The following RGL3 variants were observed in gnomAD, a reference collection of about 807,000 sequenced individuals.
RGL3 encodes ral guanine nucleotide dissociation stimulator-like 3.
Under a neutral mutation model 90.6 loss-of-function variants are expected in RGL3, and 85 were observed. The observed-to-expected ratio is 0.94, with a 90% confidence interval of 0.79 to 1.12. The LOEUF (loss-of-function observed/expected upper bound fraction) is 1.12, where lower values mean the gene tolerates loss of function less well. RGL3 is among the 50% of genes most tolerant of loss of function. RGL3 has a pLI of 0.00. For missense variants in RGL3, 1,034 were observed against 939.2 expected, an observed-to-expected ratio of 1.10 and a Z score of -1.32; for synonymous variants, 408 against 385.5, an observed-to-expected ratio of 1.06 and a Z score of -0.68.
intron 2 of RGL3, 132 bp from the exon 3 acceptor site, chr19:11,417,191 GC>G: frequency 1.4e-6 from 1 of 715,486 alleles, no homozygotes; most frequent in South Asian, 2.1e-5. Flanking sequence ...TCACTCTGTT[GC>G]CCAGGCTGGA....
At position 11,394,449 on chromosome 19, in the gene RGL3, G is replaced by A. The variant is rs185537653; in HGVS notation, c.2086C>T (p.Arg696Trp). The A allele has an allele frequency of 2.5e-5, 40 of 1,613,958 alleles. No homozygotes were observed. The East Asian group carries it at 2.9e-4, about 12-fold the overall frequency. Residue 696 changes from arginine (R) to tryptophan (W), a missense_variant, in exon 19 of 19, where the codon CGG becomes TGG. By Grantham distance (101) the Arg-to-Trp change is moderately radical (BLOSUM62 -3). Transcript: ENST00000380456. ...SPVAPRDFMLRRKEGTRNTLS... is the reference protein window; with the variant it reads ...SPVAPRDFMLWRKEGTRNTLS... ...GTGTTCCGGGTCCCCTCTTTCCGCCGCAGCATGAAGTCTCTGGGGGCGACT... is the reference window on the plus strand; with the variant it reads ...GTGTTCCGGGTCCCCTCTTTCCGCCACAGCATGAAGTCTCTGGGGGCGACT...
chr19:11,402,823 G>T, intron 9 of RGL3, 117 bp from the exon 10 acceptor site: 2 of 895,572 alleles, frequency 2.2e-6, no homozygotes, highest in Non-Finnish European at 3.5e-6. Flanking sequence ...AAAGTCAGTG[G>T]TAGGCCAGGT....
At chr19:11,410,268 TG>T (rs1365174284) in intron 5 of RGL3, among the ~76,000 whole-genome samples, 1 of 152,038 alleles carries the variant, frequency 6.6e-6, no homozygotes, top group Non-Finnish European at 1.5e-5. Context: ...CCCAACGTGC[TG>T]GGATTACAGG....
In RGL3 at chr19:11,406,559, C is replaced by T. The variant is rs1250202146; in HGVS notation, c.856G>A (p.Gly286Ser). The T allele has an allele frequency of 1.9e-6, 3 of 1,550,372 alleles. No individual in the cohort carries two copies. Among genetic ancestry groups the T allele is most frequent in the Non-Finnish European group, 2.6e-6 (3 of 1,147,640 alleles). Residue 286 changes from glycine (G) to serine (S), a missense_variant, in exon 7 of 19, where the codon GGC becomes AGC. By Grantham distance (56) the Gly-to-Ser change is moderately conservative. Coordinates refer to ENST00000380456, the MANE Select transcript of RGL3 (RefSeq NM_001035223.4). ...GTGGCGCGCACAGTGGGGGAGGCGC[C>T]TGCAGCCCCCGGCCGGTCCCTCTGC... Reference protein sequence around the residue: ...WSQRDRPGAAGASPTVRATVA... With the variant: ...WSQRDRPGAASASPTVRATVA...
Position 11,394,321 on chromosome 19 carries a change from A to T in RGL3, c.*81T>A, listed in dbSNP as rs1968526317. 9.5e-7 allele frequency: 1 copy of T among 1,048,476 alleles called. No homozygotes were observed. The highest frequency in any genetic ancestry group is 1.5e-6 in the Non-Finnish European group (1 of 666,696). The allele number at this position is 1,048,476 out of a possible 1,614,324, so 64.9% of individuals were successfully genotyped here. A position where few individuals can be genotyped will look rare whatever the true frequency, so the allele number is the denominator to read the frequency against. On this transcript the variant is annotated 3_prime_UTR_variant, in exon 19 of 19. Transcript: ENST00000380456. ...TGGGATACACAGCACAGTGGCCTCT[A>T]CTGGGGGATGGCAGCTTTCCAGGAG...
Position 11,405,336 on chromosome 19 carries a change from C to A in RGL3, c.1087G>T (p.Gly363Trp). ...NPIYRLKRSW[G>W]AVSREPLSTF... is the part of the protein sequence containing the mutation. ...GCCCCAGCTCACCGGCTCACTGCCC[C>A]CCAGCTGCGCTTGAGCCGGTAGATG... Residue 363 changes from glycine (G) to tryptophan (W), a missense_variant, in exon 8 of 19, where the codon GGG becomes TGG. Coordinates refer to ENST00000380456, the MANE Select transcript of RGL3 (RefSeq NM_001035223.4). 6.2e-7 allele frequency: 1 copy of A among 1,613,300 alleles called. No individual in the cohort carries two copies. Among genetic ancestry groups the A allele is most frequent in the Non-Finnish European group, 8.5e-7 (1 of 1,179,752 alleles).
chr19:11,396,166 T>A (rs1396426722), intron 18 of RGL3, among the ~76,000 whole-genome samples: 778 of 59,594 alleles, frequency 0.013, 27 homozygotes, highest in African/African-American at 0.058. Flanking sequence ...ATATTTTTTT[T>A]TTTTTTTTTT....
At chr19:11,395,404 A>C (rs765424453) in intron 18 of RGL3, among the ~76,000 whole-genome samples, 1 of 152,206 alleles carries the variant, frequency 6.6e-6, no homozygotes, top group Non-Finnish European at 1.5e-5. Flanking sequence ...CCTGTCAGAC[A>C]GGACAATCTC....
intron 2 of RGL3, among the ~76,000 whole-genome samples, chr19:11,417,770 T>C (rs2144745414): frequency 6.6e-6 from 1 of 152,206 alleles, no homozygotes; most frequent in Admixed American, 6.5e-5. Flanking sequence ...TCGCCCCGCC[T>C]GTAGCACCAT....
At position 11,416,160 on chromosome 19, in the gene RGL3, GGCAGGGTCTCAGA is replaced by G. The variant is rs747231253; in HGVS notation, c.426-25_426-13del. The G allele has an allele frequency of 2.6e-6, 4 of 1,524,290 alleles. No homozygotes were observed. Among genetic ancestry groups the G allele is most frequent in the Non-Finnish European group, 3.5e-6 (4 of 1,139,818 alleles). 94.4% of individuals were successfully genotyped at this position (1,524,290 alleles called of 1,614,324 possible). On this transcript the variant is annotated splice_polypyrimidine_tract_variant and intron_variant, in intron 4 of 18. Coordinates refer to ENST00000380456, the MANE Select transcript of RGL3 (RefSeq NM_001035223.4). Reference sequence around the variant, plus strand: ...CTGACACCACAGCCCTGGCCAGAGAGGCAGGGTCTCAGAGCTGGGTCCAGAGTGGGGGACATAG... The same window carrying G: ...CTGACACCACAGCCCTGGCCAGAGAGGCTGGGTCCAGAGTGGGGGACATAG...
At chr19:11,415,219 G>C (rs1187357228) in intron 5 of RGL3, among the ~76,000 whole-genome samples, 2 of 151,752 alleles carry the variant, frequency 1.3e-5, no homozygotes, top group Non-Finnish European at 2.9e-5. Context: ...GCTAGGTATA[G>C]TGGCTCGCGC....
chr19:11,397,146 T>G lies in RGL3; in HGVS notation c.2014+98A>C, dbSNP rs565990807. 1.9e-3 allele frequency: 1,821 copies of G among 978,428 alleles called. 17 individuals are homozygous for G. The highest frequency in any genetic ancestry group is 0.014 in the Admixed American group (661 of 48,760). 60.6% of individuals were successfully genotyped at this position (978,428 alleles called of 1,614,324 possible). On this transcript the variant is annotated intron_variant, in intron 18 of 18. Coordinates refer to ENST00000380456, the MANE Select transcript of RGL3 (RefSeq NM_001035223.4). ...CTCTGCCTGAAGCACCTCACAGCCC[T>G]GTGAACCCGGGTAACCTTGGGCTCC...
Position 11,402,038 on chromosome 19 carries a change from G to A in RGL3, c.1457C>T (p.Ala486Val). The change falls in exon 13 of 19, where the codon GCC (alanine) becomes GTC (valine). Residue 486 changes from alanine (A) to valine (V), a missense_variant. By Grantham distance (64) the Ala-to-Val change is moderately conservative. Transcript: ENST00000380456. ...PHPPILAALHAQNQLTEEQSY... is the reference protein window; with the variant it reads ...PHPPILAALHVQNQLTEEQSY... The stretch of plus-strand genomic sequence containing the variant: ...CTGCTCCTCGGTGAGCTGGTTCTGG[G>A]CATGCAGGGCAGCCAGGATGGGCGG... 1 of 1,563,254 alleles carries A rather than the reference G, an allele frequency of 6.4e-7. No individual in the cohort carries two copies. The highest frequency in any genetic ancestry group is 1.2e-5 in the South Asian group (1 of 81,700).
intron 17 of RGL3, 41 bp from the exon 18 acceptor site, chr19:11,397,399 C>A (rs1336818785): frequency 3.8e-6 from 6 of 1,588,244 alleles, no homozygotes; most frequent in South Asian, 1.1e-5. Flanking sequence ...GGCCCCGGCC[C>A]CAAGGGCAGG....
intron 5 of RGL3, among the ~76,000 whole-genome samples, chr19:11,407,566 T>C (rs1239099322): frequency 2.0e-5 from 3 of 152,040 alleles, no homozygotes; most frequent in Admixed American, 1.3e-4. Flanking sequence ...GACCTCTTTT[T>C]TTTGGAAAGA....
intron 18 of RGL3, among the ~76,000 whole-genome samples, chr19:11,396,815 G>A (rs988016208): frequency 2.0e-5 from 3 of 151,626 alleles, no homozygotes; most frequent in African/African-American, 7.3e-5. Flanking sequence ...CTACAGGAGT[G>A]TGCCACCACA....
rs756849742 is a variant in RGL3 at position 11,400,237 on chromosome 19, G to T, written c.1545C>A (p.Ile515=). The T allele has an allele frequency of 6.3e-7, 1 of 1,599,496 alleles. No individual in the cohort carries two copies. The highest frequency in any genetic ancestry group is 1.7e-5 in the Admixed American group (1 of 58,120). Residue 515 remains isoleucine, a synonymous_variant, in exon 14 of 19, where the codon ATC becomes ATA. Transcript: ENST00000380456. ...GCTTGGTGAGGCTGATCCGCCGTCG[G>T]ATGCGTGGGGAGCTGGGGCAGGAGG... ...PAASCPSSPR[I]RRRISLTKRL...
Position 11,406,790 on chromosome 19 carries a change from G to T in RGL3, c.712C>A (p.Pro238Thr), listed in dbSNP as rs1257547009. Residue 238 changes from proline (P) to threonine (T), a missense_variant, in exon 6 of 19, where the codon CCT becomes ACT. Pro to Thr is a conservative substitution (Grantham distance 38). Transcript: ENST00000380456. ...ACAEEEEGLM[P>T]QGPQLLDFSV... ...AAGTCCAGGAGCTGGGGACCTTGAG[G>T]CATGAGCCCTTCCTCTTCCTCCGCG... 2 of 1,614,058 alleles carry T rather than the reference G, an allele frequency of 1.2e-6. No homozygotes were observed. Among genetic ancestry groups the T allele is most frequent in the Middle Eastern group, 1.6e-4 (1 of 6,062 alleles).
chr19:11,412,459 T>C (rs1353536263), intron 5 of RGL3, among the ~76,000 whole-genome samples: 1 of 152,192 alleles, frequency 6.6e-6, no homozygotes. Flanking sequence ...CTATTCTCTC[T>C]ACTTTTGTAT....
Sources: gnomAD v4.1 joint callset for allele counts (sites outside exome capture counted in the v4.1 genomes callset) on GRCh38, gnomAD v4.1.1 for gene constraint, MANE v1.5 for transcripts, NCBI Gene and HGNC (gene_info 2026-07-23, HGNC 2026-07-21) for gene names.